GPC5: variants seen among roughly 807,000 people sequenced by gnomAD.
GPC5 encodes glypican 5, also known as glypican-5.
A neutral mutation model predicts 53.9 loss-of-function variants in GPC5; 47 were observed. The observed-to-expected ratio is 0.87, with a 90% CI of 0.69 to 1.11. GPC5 has a LOEUF of 1.11. Ranked by LOEUF, GPC5 falls within the 50% of genes most tolerant of loss-of-function variation. The pLI is 0.00. For missense variants in GPC5, 748 were observed against 713.1 expected (o/e 1.05, Z -0.56); for synonymous variants, 286 against 263.3 (o/e 1.09, Z -0.84).
chr13:92,038,211 AC>A (rs1164371892), intron 6 of GPC5, among the ~76,000 whole-genome samples: 5 of 152,114 alleles, frequency 3.3e-5, no homozygotes, highest in African/African-American at 1.2e-4. Flanking sequence ...TGGCATTGAC[AC>A]CCAGGTGCGA....
At chr13:92,260,027 G>A (rs998838494) in intron 7 of GPC5, among the ~76,000 whole-genome samples, 3 of 152,264 alleles carry the variant, frequency 2.0e-5, no homozygotes, top group Non-Finnish European at 4.4e-5. Flanking sequence ...CTAATCTGCA[G>A]CCTTAGCAAC....
intron 7 of GPC5, among the ~76,000 whole-genome samples, chr13:92,643,878 A>G (rs1419734739): frequency 2.3e-5 from 3 of 131,332 alleles, no homozygotes; most frequent in Non-Finnish European, 5.6e-5. Context: ...AAAGTATAAT[A>G]AAAAAAGAAC....
chr13:92,504,146 C>T (rs1880283083), intron 7 of GPC5, among the ~76,000 whole-genome samples: 1 of 151,940 alleles, frequency 6.6e-6, no homozygotes, highest in Non-Finnish European at 1.5e-5. Context: ...CAAAGAACTT[C>T]TGTAACTAAT....
At chr13:92,136,440 C>T (rs1381163432) in intron 6 of GPC5, among the ~76,000 whole-genome samples, 1 of 151,846 alleles carries the variant, frequency 6.6e-6, no homozygotes, top group African/African-American at 2.4e-5. Context: ...TTTTTCTATA[C>T]CTTCAGTTTT....
intron 7 of GPC5, among the ~76,000 whole-genome samples, chr13:92,662,119 T>G (rs2139187445): frequency 6.6e-6 from 1 of 152,340 alleles, no homozygotes; most frequent in East Asian, 1.9e-4. Flanking sequence ...AGAGCTGAAC[T>G]TTTAACACTA....
intron 6 of GPC5, among the ~76,000 whole-genome samples, chr13:91,931,292 T>G (rs2039819258): frequency 6.6e-6 from 1 of 152,098 alleles, no homozygotes; most frequent in African/African-American, 2.4e-5. Context: ...GTGAATTATG[T>G]AAGGCTTACG....
chr13:91,500,214 A>G (rs1466344536), intron 2 of GPC5, among the ~76,000 whole-genome samples: 1 of 152,238 alleles, frequency 6.6e-6, no homozygotes, highest in African/African-American at 2.4e-5. Context: ...CCTTGAGGAT[A>G]GGGACTTTTC....
chr13:92,398,943 C>A (rs982257326), intron 7 of GPC5, among the ~76,000 whole-genome samples: 4 of 152,098 alleles, frequency 2.6e-5, no homozygotes, highest in African/African-American at 9.7e-5. Context: ...TCCTTGTCAG[C>A]CTCCTACACT....
At chr13:92,511,580 T>C (rs1880568508) in intron 7 of GPC5, among the ~76,000 whole-genome samples, 1 of 152,228 alleles carries the variant, frequency 6.6e-6, no homozygotes, top group African/African-American at 2.4e-5. Context: ...CAAGGGCATA[T>C]GATTTCTGTG....
chr13:91,701,792 T>A (rs1466243493), intron 3 of GPC5, among the ~76,000 whole-genome samples: 1 of 152,126 alleles, frequency 6.6e-6, no homozygotes, highest in Admixed American at 6.6e-5. Flanking sequence ...ACTGATTTCA[T>A]ATCTTTTCGA....
intron 2 of GPC5, among the ~76,000 whole-genome samples, chr13:91,574,215 G>T (rs1456036619): frequency 6.6e-6 from 1 of 152,072 alleles, no homozygotes. Flanking sequence ...TAAAATACTG[G>T]GAATAGGGAG....
intron 7 of GPC5, among the ~76,000 whole-genome samples, chr13:92,344,798 T>A (rs551053892): frequency 4.6e-5 from 7 of 152,214 alleles, no homozygotes; most frequent in Admixed American, 3.9e-4. Context: ...TCTTAAAAGT[T>A]TTCCATAGTC....
intron 7 of GPC5, among the ~76,000 whole-genome samples, chr13:92,196,774 A>G (rs1307625937): frequency 6.7e-6 from 1 of 149,374 alleles, no homozygotes; most frequent in East Asian, 2.0e-4. Flanking sequence ...AGAGCTTTCA[A>G]TATCAACAGC....
intron 7 of GPC5, among the ~76,000 whole-genome samples, chr13:92,475,821 G>T (rs957930837): frequency 6.6e-6 from 1 of 152,038 alleles, no homozygotes; most frequent in Admixed American, 6.6e-5. Context: ...AAATGGTGCT[G>T]GGAAAACTGG....
intron 2 of GPC5, among the ~76,000 whole-genome samples, chr13:91,493,504 C>A (rs940719356): frequency 2.0e-5 from 3 of 152,130 alleles, no homozygotes; most frequent in African/African-American, 7.2e-5. Flanking sequence ...TCCCCACAAC[C>A]CTTCCCAGCC....
In GPC5 at chr13:91,399,100, G is replaced by C. The variant is rs1334029379; in HGVS notation, c.54G>C (p.Leu18=). The change falls in exon 1 of 8, where the codon CTG becomes CTC. Residue 18 remains leucine (L), a synonymous_variant. Coordinates refer to ENST00000377067, the MANE Select transcript of GPC5 (RefSeq NM_004466.6). The stretch of plus-strand genomic sequence containing the variant: ...TTCGCTGCCTCCTCCTTCTGGCCCT[G>C]GTTGGGTCCGCCCGCAGCGAGGGCG... The part of the protein sequence containing the change: ...VGFRCLLLLA[L]VGSARSEGVQ... 6.9e-6 allele frequency: 11 copies of C among 1,600,800 alleles called. No individual in the cohort carries two copies. The highest frequency in any genetic ancestry group is 9.4e-6 in the Non-Finnish European group (11 of 1,174,000).
intron 5 of GPC5, 152 bp downstream of exon 5, chr13:91,756,572 G>T (rs1354688415): frequency 6.9e-6 from 4 of 580,274 alleles, no homozygotes; most frequent in African/African-American, 3.8e-5. Flanking sequence ...ACAAGGAAAA[G>T]AACAACAAAA....
intron 7 of GPC5, among the ~76,000 whole-genome samples, chr13:92,851,917 A>G (rs570716485): frequency 6.6e-5 from 10 of 151,256 alleles, no homozygotes; most frequent in Admixed American, 2.6e-4. Flanking sequence ...AAGAATAGCC[A>G]TAAGCCAAGA....
At chr13:92,466,573 T>C (rs1878699526) in intron 7 of GPC5, among the ~76,000 whole-genome samples, 1 of 152,136 alleles carries the variant, frequency 6.6e-6, no homozygotes, top group South Asian at 2.1e-4. Context: ...GGTAAAATTC[T>C]TATGGAAGCA....
Sources: gnomAD v4.1 joint callset for allele counts (sites outside exome capture counted in the v4.1 genomes callset) on GRCh38, gnomAD v4.1.1 for gene constraint, MANE v1.5 for transcripts, NCBI Gene and HGNC (gene_info 2026-07-23, HGNC 2026-07-21) for gene names.